Variants in CWF19L2 observed in about 807,000 individuals in gnomAD.
CWF19L2 encodes CWF19-like protein 2.
CWF19L2 carries 98 observed loss-of-function variants against 111.7 expected under a neutral mutation model. That is an observed-to-expected ratio of 0.88 (90% CI 0.75 to 1.04). The LOEUF (loss-of-function observed/expected upper bound fraction) is 1.04. Among genes scored for constraint, CWF19L2 ranks in the 50% least tolerant of loss-of-function variants. The pLI, the probability that CWF19L2 is intolerant of heterozygous loss-of-function variation, is 0.00. For missense variants in CWF19L2, 1,101 were observed against 1,051.4 expected (o/e 1.05, Z -0.65); for synonymous variants, 351 against 342.9 (o/e 1.02, Z -0.26).
intron 12 of CWF19L2, among the ~76,000 whole-genome samples, chr11:107,381,291 A>G (rs558799247): frequency 6.6e-6 from 1 of 152,198 alleles, no homozygotes; most frequent in East Asian, 1.9e-4. Flanking sequence ...ACGAAAAAAC[A>G]TTAAATAAAT....
chr11:107,364,211 C>T (rs1860401851), intron 12 of CWF19L2, among the ~76,000 whole-genome samples: 1 of 141,244 alleles, frequency 7.1e-6, no homozygotes, highest in African/African-American at 2.8e-5. Flanking sequence ...TAGACTCCCA[C>T]ACATTAATAA....
chr11:107,420,830 T>C (rs1207759661), intron 8 of CWF19L2, among the ~76,000 whole-genome samples: 1 of 152,104 alleles, frequency 6.6e-6, no homozygotes, highest in Non-Finnish European at 1.5e-5. Flanking sequence ...TTTCAGAGCA[T>C]GGTTGATCAT....
intron 5 of CWF19L2, among the ~76,000 whole-genome samples, chr11:107,439,909 T>C (rs1565285802): frequency 6.6e-6 from 1 of 152,088 alleles, no homozygotes; most frequent in Non-Finnish European, 1.5e-5. Flanking sequence ...GGGCTCAGCA[T>C]GGAGGAAAGT....
At chr11:107,436,478 T>C (rs1268117721) in intron 6 of CWF19L2, among the ~76,000 whole-genome samples, 1 of 152,170 alleles carries the variant, frequency 6.6e-6, no homozygotes, top group Non-Finnish European at 1.5e-5. Flanking sequence ...TGATAAACTA[T>C]CAGGAAACCT....
At chr11:107,433,896 A>C (rs1239806619) in intron 6 of CWF19L2, 147 bp from the exon 7 acceptor site, 1 of 109,010 alleles carries the variant, frequency 9.2e-6, no homozygotes, top group Non-Finnish European at 2.1e-5. Flanking sequence ...ATATATATAT[A>C]TATATATATA....
chr11:107,403,834 G>T, intron 10 of CWF19L2: 1 of 817,280 alleles, frequency 1.2e-6, no homozygotes, highest in Non-Finnish European at 2.1e-6. Context: ...TAAGTTCATT[G>T]TTAAGTGAAT....
chr11:107,384,377 AC>A (rs1246235808), intron 12 of CWF19L2, among the ~76,000 whole-genome samples: 2 of 152,204 alleles, frequency 1.3e-5, no homozygotes, highest in Non-Finnish European at 2.9e-5. Context: ...CATACCTAAT[AC>A]ATATAGCCTG....
At position 107,411,659 on chromosome 11, in the gene CWF19L2, T is replaced by C. The variant is rs897800227; in HGVS notation, c.1617+4550A>G. On this transcript the variant is annotated intron_variant, in intron 10 of 17. Coordinates refer to ENST00000282251, the MANE Select transcript of CWF19L2 (RefSeq NM_152434.3). The stretch of plus-strand genomic sequence containing the variant: ...TTAATGCTTAAGGAAGGGCAGGTTA[T>C]TTAAGCTAATAAATTTAATAAATAT... 4.6e-5 allele frequency among the ~76,000 whole-genome samples: 7 copies of C among 152,164 alleles called. No homozygotes were observed. The South Asian group carries it at 1.5e-3, about 32-fold the overall frequency.
At chr11:107,342,407 G>A (rs1346742261) in intron 14 of CWF19L2, among the ~76,000 whole-genome samples, 1 of 151,712 alleles carries the variant, frequency 6.6e-6, no homozygotes, top group Non-Finnish European at 1.5e-5. Flanking sequence ...TCTTTTTAAA[G>A]TTGTTCCATA....
chr11:107,403,710 C>T (rs1861039582), intron 10 of CWF19L2: 1 of 821,768 alleles, frequency 1.2e-6, no homozygotes, highest in Non-Finnish European at 2.2e-6. Context: ...TCGGCTTGCT[C>T]TGCCGCCTCC....
chr11:107,359,652 C>T (rs1445321766), intron 12 of CWF19L2, among the ~76,000 whole-genome samples: 3 of 152,082 alleles, frequency 2.0e-5, no homozygotes, highest in African/African-American at 4.8e-5. Context: ...GTGGTTCACA[C>T]CTGTAATCCC....
At chr11:107,432,260 C>G (rs935595043) in intron 7 of CWF19L2, among the ~76,000 whole-genome samples, 2 of 151,852 alleles carry the variant, frequency 1.3e-5, no homozygotes, top group Non-Finnish European at 2.9e-5. Context: ...CTAAAAAATA[C>G]AAATGGTCAA....
Position 107,439,098 on chromosome 11 carries a change from A to G in CWF19L2, c.656T>C (p.Ile219Thr). The G allele has an allele frequency of 6.8e-7, 1 of 1,464,298 alleles. No homozygotes were observed. Among genetic ancestry groups the G allele is most frequent in the Non-Finnish European group, 9.5e-7 (1 of 1,053,244 alleles). The allele number at this position is 1,464,298 out of a possible 1,614,324, so 90.7% of individuals were successfully genotyped here. The change falls in exon 6 of 18, where the codon ATT becomes ACT. Residue 219 changes from isoleucine to threonine, a missense_variant. By Grantham distance (89) the Ile-to-Thr change is moderately conservative. Coordinates refer to ENST00000282251, the MANE Select transcript of CWF19L2 (RefSeq NM_152434.3). ...LPPEDCSVSSITKVSVVEDGG... is the reference protein window; with the variant it reads ...LPPEDCSVSSTTKVSVVEDGG... ...TCAAAATGTAGAAATACCTTTAGTA[A>G]TCGATGACACACTACAGTCTTCAGG...
At chr11:107,426,792 A>G (rs1169331171) in intron 8 of CWF19L2, among the ~76,000 whole-genome samples, 1 of 151,612 alleles carries the variant, frequency 6.6e-6, no homozygotes, top group Non-Finnish European at 1.5e-5. Flanking sequence ...ATAAAATTTT[A>G]TACATTAAGT....
intron 12 of CWF19L2, among the ~76,000 whole-genome samples, chr11:107,362,369 C>T (rs1860364698): frequency 6.6e-6 from 1 of 151,914 alleles, no homozygotes; most frequent in African/African-American, 2.4e-5. Flanking sequence ...CCTCTGGGGG[C>T]AGGGCACAAA....
intron 10 of CWF19L2, among the ~76,000 whole-genome samples, chr11:107,400,623 T>C (rs891620385): frequency 2.6e-5 from 4 of 152,166 alleles, no homozygotes; most frequent in Admixed American, 6.5e-5. Context: ...CACAGATGAA[T>C]TCTACCAGAC....
At position 107,457,265 on chromosome 11, in the gene CWF19L2, G is replaced by A. The variant is rs148997780; in HGVS notation, c.105+447C>T. Among the ~76,000 whole-genome samples, 83 of 152,312 alleles carry A rather than the reference G, an allele frequency of 5.4e-4. 1 individual carries two copies. The Middle Eastern group carries it at 0.01, about 19-fold the overall frequency. On this transcript the variant is annotated intron_variant, in intron 1 of 17. Transcript: ENST00000282251. Reference sequence around the variant, plus strand: ...AGTAAGTCTGGAATTGATACCAATAGAGACAGGAGGAGGAAATGTCAAACT... The same window carrying A: ...AGTAAGTCTGGAATTGATACCAATAAAGACAGGAGGAGGAAATGTCAAACT...
chr11:107,360,692 G>A (rs546147543), intron 12 of CWF19L2, among the ~76,000 whole-genome samples: 8 of 152,310 alleles, frequency 5.3e-5, no homozygotes, highest in East Asian at 3.9e-4. Flanking sequence ...GCTGGGGTAC[G>A]ATAATATCTC....
intron 12 of CWF19L2, among the ~76,000 whole-genome samples, chr11:107,371,611 C>A (rs1225340778): frequency 7.3e-6 from 1 of 137,646 alleles, no homozygotes; most frequent in Non-Finnish European, 1.6e-5. Flanking sequence ...CTAAAATATA[C>A]TGAAAGAATA....
Sources: gnomAD v4.1 joint callset for allele counts (sites outside exome capture counted in the v4.1 genomes callset) on GRCh38, gnomAD v4.1.1 for gene constraint, MANE v1.5 for transcripts, NCBI Gene and HGNC (gene_info 2026-07-23, HGNC 2026-07-21) for gene names.